ARID4B: variants seen among roughly 807,000 people sequenced by gnomAD.
ARID4B encodes AT-rich interactive domain-containing protein 4B.
ARID4B carries 26 observed loss-of-function variants against 147.5 expected under a neutral mutation model. The ratio of observed to expected loss-of-function variants is 0.18; its 90% CI spans 0.13 to 0.24. The LOEUF is 0.24. Among genes scored for constraint, ARID4B ranks in the 10% least tolerant of loss-of-function variants. ARID4B has a pLI of 1.00. For synonymous variants in ARID4B, 512 were observed against 507.9 expected (o/e 1.01, Z -0.11); for missense variants, 1,179 against 1,511.5 (o/e 0.78, Z 3.65).
intron 2 of ARID4B, among the ~76,000 whole-genome samples, chr1:235,325,869 C>A (rs6688441): frequency 0.47 from 71,107 of 152,022 alleles, 16,961 homozygotes; most frequent in South Asian, 0.6. Flanking sequence ...CCTTCTACAA[C>A]CACAAGTATT....
chr1:235,280,189 T>C (rs16832530), intron 2 of ARID4B, among the ~76,000 whole-genome samples: 6,225 of 152,182 alleles, frequency 0.041, 472 homozygotes, highest in African/African-American at 0.14. Flanking sequence ...TCTAAAACAT[T>C]TGTATTACTC....
At chr1:235,210,712 A>G (rs1156410663) in intron 17 of ARID4B, among the ~76,000 whole-genome samples, 2 of 152,210 alleles carry the variant, frequency 1.3e-5, no homozygotes, top group African/African-American at 2.4e-5. Context: ...AGTTCATAGC[A>G]TACAAGCACT....
At chr1:235,172,936 G>C (rs566635717) in intron 22 of ARID4B, among the ~76,000 whole-genome samples, 172 bp from the exon 23 acceptor site, 61 of 152,176 alleles carry the variant, frequency 4.0e-4, no homozygotes, top group African/African-American at 1.4e-3. Flanking sequence ...AACAATGCCT[G>C]GCACATAATA....
intron 6 of ARID4B, 72 bp downstream of exon 6, chr1:235,252,658 T>C (rs1310329336): frequency 7.3e-7 from 1 of 1,360,792 alleles, no homozygotes; most frequent in African/African-American, 1.4e-5. Context: ...GTTTACTGAG[T>C]TGAGAAAGCA....
At chr1:235,268,362 T>C (rs1269841708) in intron 2 of ARID4B, among the ~76,000 whole-genome samples, 1 of 124,756 alleles carries the variant, frequency 8.0e-6, no homozygotes, top group Non-Finnish European at 1.7e-5. Flanking sequence ...TATATGTGTA[T>C]ATATACATAC....
rs770382800 is a variant in ARID4B, at chr1:235,172,726, T to C, written c.3703A>G (p.Ile1235Val). ...ATTTCTTGAAGTTTTTCTTGAAGAA[T>C]TGTGATGCGTTCGGCACTTGTCATA... ...ENMTSAERIT[I>V]LQEKLQEIRK... The change falls in exon 23 of 24, where the codon ATT becomes GTT. Residue 1235 changes from isoleucine (I) to valine (V), a missense_variant. Coordinates refer to ENST00000264183, the MANE Select transcript of ARID4B (RefSeq NM_016374.6). 8 of 1,604,868 alleles carry C rather than the reference T, an allele frequency of 5.0e-6. No individual in the cohort carries two copies. The highest frequency in any genetic ancestry group is 4.5e-5 in the South Asian group (4 of 88,676).
At position 235,246,527 on chromosome 1, in the gene ARID4B, T is replaced by A; in HGVS notation, c.355-16A>T. 6.3e-7 allele frequency: 1 copy of A among 1,583,158 alleles called. No homozygotes were observed. Among genetic ancestry groups the A allele is most frequent in the Non-Finnish European group, 8.7e-7 (1 of 1,155,024 alleles). ...GGTCTAATGTCTGTGGGTAAGAACA[T>A]AAACCCATCAAAAAATTAACACTTT... On this transcript the variant is annotated splice_polypyrimidine_tract_variant and intron_variant, in intron 6 of 23. Coordinates refer to ENST00000264183, the MANE Select transcript of ARID4B (RefSeq NM_016374.6).
intron 20 of ARID4B, chr1:235,180,806 T>C (rs1263534218): frequency 6.6e-6 from 1 of 152,556 alleles, no homozygotes; most frequent in African/African-American, 2.4e-5. Flanking sequence ...TGGAAAAGTG[T>C]GTTCCAAAGC....
At chr1:235,224,814 A>C in intron 11 of ARID4B, 39 bp from the exon 12 acceptor site, 1 of 1,371,494 alleles carries the variant, frequency 7.3e-7, no homozygotes, top group Non-Finnish European at 1.0e-6. Context: ...TTCTTCAATT[A>C]AGCATTTTAA....
At chr1:235,219,693 T>C in intron 16 of ARID4B, 100 bp downstream of exon 16, 1 of 951,658 alleles carries the variant, frequency 1.1e-6, no homozygotes, top group Non-Finnish European at 1.6e-6. Context: ...TATTTAATAT[T>C]TTGTCAATTA....
rs1558216976 is a variant in ARID4B, at chr1:235,221,554, TACTA to T, written c.1163+7_1163+10del. ...ATACTGAAGATAATCATATCAATTATACTAACTTACTTTTTATAAGCACATTTAA... is the reference window on the plus strand; with the variant it reads ...ATACTGAAGATAATCATATCAATTATACTTACTTTTTATAAGCACATTTAA... On this transcript the variant is annotated splice_region_variant and intron_variant, in intron 14 of 23. Coordinates refer to ENST00000264183, the MANE Select transcript of ARID4B (RefSeq NM_016374.6). 3 of 1,472,850 alleles carry T rather than the reference TACTA, an allele frequency of 2.0e-6. No individual in the cohort carries two copies. The highest frequency in any genetic ancestry group is 1.4e-5 in the African/African-American group (1 of 71,788). 91.2% of individuals were successfully genotyped at this position (1,472,850 alleles called of 1,614,324 possible). A position where few individuals can be genotyped will look rare whatever the true frequency, so the allele number is the denominator to read the frequency against.
At chr1:235,287,817 C>G (rs1196313720) in intron 2 of ARID4B, among the ~76,000 whole-genome samples, 2 of 152,160 alleles carry the variant, frequency 1.3e-5, no homozygotes, top group African/African-American at 4.8e-5. Context: ...ATACAAAAAG[C>G]AAATGTCTCC....
chr1:235,293,933 T>C (rs1672503091), intron 2 of ARID4B, among the ~76,000 whole-genome samples: 1 of 152,206 alleles, frequency 6.6e-6, no homozygotes, highest in African/African-American at 2.4e-5. Flanking sequence ...GAAATTTCAG[T>C]ATATTAGACT....
intron 11 of ARID4B, among the ~76,000 whole-genome samples, chr1:235,227,827 G>A (rs1300298288): frequency 1.4e-5 from 2 of 144,834 alleles, no homozygotes; most frequent in African/African-American, 2.7e-5. Flanking sequence ...TTACTTTTCT[G>A]CTATTTTTTT....
At chr1:235,300,125 C>T (rs1673013736) in intron 2 of ARID4B, among the ~76,000 whole-genome samples, 1 of 152,116 alleles carries the variant, frequency 6.6e-6, no homozygotes, top group Non-Finnish European at 1.5e-5. Context: ...GTCAGAAAAA[C>T]AGGCTCTGGG....
intron 2 of ARID4B, chr1:235,295,960 G>A (rs529015936): frequency 7.8e-5 from 12 of 153,686 alleles, no homozygotes; most frequent in Non-Finnish European, 7.2e-5. Flanking sequence ...AAAGGTATCC[G>A]TATCCACAGC....
chr1:235,220,890 G>C (rs78887374), intron 14 of ARID4B, among the ~76,000 whole-genome samples: 1 of 148,974 alleles, frequency 6.7e-6, no homozygotes, highest in Non-Finnish European at 1.5e-5. Context: ...TCCTTTTTTT[G>C]TTTTTTTTTG....
intron 2 of ARID4B, among the ~76,000 whole-genome samples, chr1:235,312,825 T>A (rs1674157571): frequency 6.6e-6 from 1 of 151,848 alleles, no homozygotes; most frequent in African/African-American, 2.4e-5. Context: ...TACAAAAAAT[T>A]AGCCGAGCAT....
intron 17 of ARID4B, among the ~76,000 whole-genome samples, chr1:235,211,390 T>C (rs539843517): frequency 1.2e-4 from 18 of 152,088 alleles, no homozygotes; most frequent in Non-Finnish European, 2.2e-4. Flanking sequence ...TTATATACAG[T>C]GAAAGTTGGA....
Sources: allele counts gnomAD v4.1 joint callset (sites outside exome capture counted in the v4.1 genomes callset), GRCh38; gene constraint gnomAD v4.1.1; transcripts MANE v1.5; gene names NCBI Gene and HGNC (gene_info 2026-07-23, HGNC 2026-07-21).